The following PACSIN1 variants were observed in gnomAD, a reference collection of about 807,000 sequenced individuals.
The protein encoded by PACSIN1 is protein kinase C and casein kinase substrate in neurons protein 1.
In PACSIN1, 15 loss-of-function variants were observed where a neutral mutation model predicts 59.5. The observed-to-expected ratio is 0.25, with a 90% CI of 0.17 to 0.39. The LOEUF (loss-of-function observed/expected upper bound fraction) is 0.39. PACSIN1 is among the 10% of genes least tolerant of loss of function. The probability of loss-of-function intolerance (pLI) is 1.00; values close to 1 mark genes in which losing one functional copy is unlikely to be tolerated. For missense variants in PACSIN1, 420 were observed against 580.2 expected (o/e 0.72, Z 2.84); for synonymous variants, 210 against 220.6 (o/e 0.95, Z 0.42).
chr6:34,501,512 G>A (rs1410471387), intron 1 of PACSIN1, among the ~76,000 whole-genome samples: 6 of 152,226 alleles, frequency 3.9e-5, no homozygotes, highest in Non-Finnish European at 8.8e-5. Context: ...AGCCAGTTCT[G>A]GGCAGGTTTC....
chr6:34,472,873 G>A (rs910874392), intron 1 of PACSIN1, among the ~76,000 whole-genome samples: 1 of 152,174 alleles, frequency 6.6e-6, no homozygotes, highest in African/African-American at 2.4e-5. Flanking sequence ...CAAAGGAGGG[G>A]CCGGGGATCC....
At chr6:34,469,582 G>C (rs1344801514) in intron 1 of PACSIN1, among the ~76,000 whole-genome samples, 2 of 152,232 alleles carry the variant, frequency 1.3e-5, no homozygotes, top group Non-Finnish European at 2.9e-5. Flanking sequence ...CCTGGGGCTA[G>C]AGTGGCCTTT....
chr6:34,469,810 G>C (rs1766547041), intron 1 of PACSIN1, among the ~76,000 whole-genome samples: 1 of 152,226 alleles, frequency 6.6e-6, no homozygotes, highest in African/African-American at 2.4e-5. Flanking sequence ...GAACCCAGAG[G>C]TGGGCTGAAG....
rs1196828678 is a variant in PACSIN1, at chr6:34,532,548, A to G, written c.*18A>G. 7 of 1,371,144 alleles carry G rather than the reference A, an allele frequency of 5.1e-6. No homozygotes were observed. The highest frequency in any genetic ancestry group is 7.1e-6 in the Non-Finnish European group (7 of 992,368). The allele number at this position is 1,371,144 out of a possible 1,614,324, so 84.9% of individuals were successfully genotyped here. A position where few individuals can be genotyped will look rare whatever the true frequency, so the allele number is the denominator to read the frequency against. On this transcript the variant is annotated 3_prime_UTR_variant, in exon 10 of 10. Coordinates refer to ENST00000244458, the MANE Select transcript of PACSIN1 (RefSeq NM_020804.5). This position sits in a 1 kb window ranked among gnomAD's most constrained non-coding sequence, Gnocchi z 5.2. ...CTATCTAGAGGCCCCCTCCCTCCAT[A>G]CTCCCGTCACTCCTCCCCACTGCCG...
At chr6:34,482,748 C>T (rs1455473342) in intron 1 of PACSIN1, among the ~76,000 whole-genome samples, 1 of 149,634 alleles carries the variant, frequency 6.7e-6, no homozygotes, top group African/African-American at 2.5e-5. Flanking sequence ...GGCATGATAT[C>T]GGCTCACTGC....
chr6:34,481,682 AG>A (rs1450411446), intron 1 of PACSIN1, among the ~76,000 whole-genome samples: 5 of 151,684 alleles, frequency 3.3e-5, no homozygotes, highest in African/African-American at 1.2e-4. Context: ...AAAAAAAAAA[AG>A]AAAAAAGAAA....
intron 2 of PACSIN1, among the ~76,000 whole-genome samples, chr6:34,526,699 C>G (rs922332879): frequency 4.6e-5 from 7 of 152,222 alleles, no homozygotes; most frequent in Admixed American, 4.6e-4. Flanking sequence ...CTCGCTCGCC[C>G]CCCATCCTGA....
intron 4 of PACSIN1, 24 bp downstream of exon 4, chr6:34,528,901 G>GGGGGGGGC: frequency 7.2e-7 from 1 of 1,394,278 alleles, no homozygotes; most frequent in East Asian, 2.4e-5. Flanking sequence ...GCTGCCACGG[G>GGGGGGGGC]CGGGGTGGGG....
chr6:34,483,063 G>A lies in PACSIN1; in HGVS notation c.-64+16793G>A, dbSNP rs113937206. Among the ~76,000 whole-genome samples the A allele has an allele frequency of 8.0e-3, 1,176 of 146,642 alleles. 21 individuals carry two copies. The highest frequency in any genetic ancestry group is 0.028 in the African/African-American group (1,107 of 39,394). Reference sequence around the variant, plus strand: ...CTTGGTGCCCAGGCTGGAGTGCAGTGGCACGATCATGGCTCACTGCAGCCT... The same window carrying A: ...CTTGGTGCCCAGGCTGGAGTGCAGTAGCACGATCATGGCTCACTGCAGCCT... On this transcript the variant is annotated intron_variant, in intron 1 of 9. Coordinates refer to ENST00000244458, the MANE Select transcript of PACSIN1 (RefSeq NM_020804.5).
chr6:34,529,990 C>A lies in PACSIN1; in HGVS notation c.788+149C>A. 1 of 977,884 alleles carries A rather than the reference C, an allele frequency of 1.0e-6. No individual in the cohort carries two copies. Among genetic ancestry groups the A allele is most frequent in the Non-Finnish European group, 1.5e-6 (1 of 664,582 alleles). The allele number at this position is 977,884 out of a possible 1,614,324, so 60.6% of individuals were successfully genotyped here. A position where few individuals can be genotyped will look rare whatever the true frequency, so the allele number is the denominator to read the frequency against. On this transcript the variant is annotated intron_variant, in intron 6 of 9. Coordinates refer to ENST00000244458, the MANE Select transcript of PACSIN1 (RefSeq NM_020804.5). This position sits in a 1 kb window ranked among gnomAD's most constrained non-coding sequence, Gnocchi z 6.3. ...AAGGATGAGGCTTCAAACACAGGGG[C>A]TGTTGAGTGCAAGCTGACGCACACT...
chr6:34,475,392 A>G (rs1766625124), intron 1 of PACSIN1, among the ~76,000 whole-genome samples: 1 of 152,250 alleles, frequency 6.6e-6, no homozygotes, highest in Non-Finnish European at 1.5e-5. Flanking sequence ...GTCTTCTAGA[A>G]GCAGAGCTGA....
At chr6:34,490,249 T>G (rs1258167730) in intron 1 of PACSIN1, among the ~76,000 whole-genome samples, 1 of 128,638 alleles carries the variant, frequency 7.8e-6, no homozygotes, top group Non-Finnish European at 1.7e-5. Flanking sequence ...TTTTTTTTTG[T>G]AGAGACAGGG....
intron 1 of PACSIN1, among the ~76,000 whole-genome samples, chr6:34,478,982 T>C (rs1212841819): frequency 2.6e-5 from 4 of 152,092 alleles, no homozygotes; most frequent in Admixed American, 1.3e-4. Flanking sequence ...AGTGGGCAAG[T>C]GCAAAAGAGA....
At chr6:34,493,963 A>G (rs938230715) in intron 1 of PACSIN1, among the ~76,000 whole-genome samples, 2 of 152,146 alleles carry the variant, frequency 1.3e-5, no homozygotes, top group African/African-American at 4.8e-5. Flanking sequence ...GCACTTTCTC[A>G]TCTTAGCTCC....
chr6:34,478,422 G>C (rs1005404625), intron 1 of PACSIN1, among the ~76,000 whole-genome samples: 29 of 137,296 alleles, frequency 2.1e-4, no homozygotes, highest in Middle Eastern at 4.2e-3. Context: ...ACCCAGGCTG[G>C]AGTGCAGTGG....
chr6:34,531,967 T>A lies in PACSIN1; in HGVS notation c.1225+180T>A, dbSNP rs1336952274. 1.4e-5 allele frequency among the ~76,000 whole-genome samples: 2 copies of A among 147,844 alleles called. No homozygotes were observed. The highest frequency in any genetic ancestry group is 3.0e-5 in the Non-Finnish European group (2 of 67,020). ...TGGGTGTGTGGTGGGGCAGGGGTGG[T>A]GCCTGAAAGAGAGGCTTGGGCCTGC... is the stretch of plus-strand genomic sequence containing the variant. On this transcript the variant is annotated intron_variant, in intron 9 of 9. Coordinates refer to ENST00000244458, the MANE Select transcript of PACSIN1 (RefSeq NM_020804.5). This position sits in a 1 kb window ranked among gnomAD's most constrained non-coding sequence, Gnocchi z 4.4.
At chr6:34,527,084 T>C (rs1225023219) in intron 2 of PACSIN1, among the ~76,000 whole-genome samples, 1 of 151,902 alleles carries the variant, frequency 6.6e-6, no homozygotes, top group Non-Finnish European at 1.5e-5. Context: ...GGAAATCATG[T>C]TTAAATTGGG....
chr6:34,520,572 A>G (rs1426345327), intron 1 of PACSIN1, among the ~76,000 whole-genome samples: 1 of 152,184 alleles, frequency 6.6e-6, no homozygotes. Context: ...CATCTCTAGA[A>G]CAGGGAAGGC....
chr6:34,480,913 C>CTT (rs559455518), intron 1 of PACSIN1, among the ~76,000 whole-genome samples: 1 of 137,922 alleles, frequency 7.3e-6, no homozygotes, highest in African/African-American at 2.7e-5. Context: ...GACTTTTTTT[C>CTT]TTTTTTTTTT....
Sources: allele counts gnomAD v4.1 joint callset (sites outside exome capture counted in the v4.1 genomes callset), GRCh38; gene constraint gnomAD v4.1.1; non-coding constraint Gnocchi (gnomAD v3.1); transcripts MANE v1.5; gene names NCBI Gene and HGNC (gene_info 2026-07-23, HGNC 2026-07-21).